The following BCL2L13 variants were observed in gnomAD, a reference collection of about 807,000 sequenced individuals.
BCL2L13 encodes bcl-2-like protein 13.
In BCL2L13, 13 loss-of-function variants were observed where a neutral mutation model predicts 25.8. The observed-to-expected ratio is 0.50, with a 90% CI of 0.33 to 0.80. BCL2L13 has a LOEUF of 0.80. BCL2L13 is among the 30% of genes least tolerant of loss of function. The pLI is 0.02. For missense variants in BCL2L13, 504 were observed against 574.9 expected (o/e 0.88, Z 1.26); for synonymous variants, 244 against 230.3 (o/e 1.06, Z -0.54).
In BCL2L13 at chr22:17,688,996, C is replaced by T; in HGVS notation, c.240C>T (p.Ser80=). ...TTGTCCTATCTTCAGCCTTCACCAGCACAGGCTTTGACCGTCACACTTCTC... is the reference window on the plus strand; with the variant it reads ...TTGTCCTATCTTCAGCCTTCACCAGTACAGGCTTTGACCGTCACACTTCTC... ...LDKEISEAFT[S]TGFDRHTSPV... The change falls in exon 4 of 7, where the codon AGC becomes AGT. Residue 80 remains serine (S), a synonymous_variant. Coordinates refer to ENST00000317582, the MANE Select transcript of BCL2L13 (RefSeq NM_015367.4). 1.2e-6 allele frequency: 2 copies of T among 1,613,290 alleles called. No homozygotes were observed. Among genetic ancestry groups the T allele is most frequent in the Non-Finnish European group, 1.7e-6 (2 of 1,179,706 alleles).
At chr22:17,712,721 T>C (rs767709802) in intron 6 of BCL2L13, among the ~76,000 whole-genome samples, 2 of 152,220 alleles carry the variant, frequency 1.3e-5, no homozygotes, top group African/African-American at 4.8e-5. Context: ...TTAGCTTAAC[T>C]GTTGATATGG....
In BCL2L13 at chr22:17,689,087, G is replaced by A. The variant is rs1340004280; in HGVS notation, c.331G>A (p.Val111Met). Residue 111 changes from valine (V) to methionine (M), a missense_variant, in exon 4 of 7, where the codon GTG becomes ATG. By Grantham distance (21) the Val-to-Met change is conservative. Transcript: ENST00000317582. ...EDCLAHLGEK[V>M]SQELKEPLHK... Reference sequence around the variant, plus strand: ...CTGCTTGGCCCATCTTGGAGAAAAAGTGTCCCAGGAACTGAAAGAGCCTCT... The same window carrying A: ...CTGCTTGGCCCATCTTGGAGAAAAAATGTCCCAGGAACTGAAAGAGCCTCT... 6.2e-7 allele frequency: 1 copy of A among 1,614,064 alleles called. No individual in the cohort carries two copies. The highest frequency in any genetic ancestry group is 8.5e-7 in the Non-Finnish European group (1 of 1,180,034).
intron 1 of BCL2L13, among the ~76,000 whole-genome samples, chr22:17,643,596 TTTGTTG>T (rs888205075): frequency 6.6e-6 from 1 of 152,064 alleles, no homozygotes; most frequent in Non-Finnish European, 1.5e-5. Flanking sequence ...AACTTAATGT[TTTGTTG>T]TTGTTGTTTG....
At chr22:17,634,209 G>C (rs576260629), upstream of BCL2L13, among the ~76,000 whole-genome samples, 3 of 151,464 alleles carry the variant, frequency 2.0e-5, no homozygotes, top group Non-Finnish European at 2.9e-5. Context: ...TTTTTGAGAC[G>C]GAGTCTCACT....
At chr22:17,652,303 G>A (rs2058713434) in intron 1 of BCL2L13, among the ~76,000 whole-genome samples, 1 of 152,068 alleles carries the variant, frequency 6.6e-6, no homozygotes. Context: ...CTCCCAAAGT[G>A]CTAGGATTAC....
At chr22:17,649,372 C>T (rs1358795251) in intron 1 of BCL2L13, among the ~76,000 whole-genome samples, 2 of 152,114 alleles carry the variant, frequency 1.3e-5, no homozygotes, top group East Asian at 3.8e-4. Flanking sequence ...GTTGGGATTA[C>T]AGGCGTGAGC....
At chr22:17,685,754 C>CTTTTTAT in intron 3 of BCL2L13, among the ~76,000 whole-genome samples, 1 of 54,004 alleles carries the variant, frequency 1.9e-5, no homozygotes, top group Admixed American at 2.1e-4. Flanking sequence ...ATAATTTTTT[C>CTTTTTAT]TTTTTCTTTT....
intron 4 of BCL2L13, among the ~76,000 whole-genome samples, chr22:17,690,286 A>G (rs1478237128): frequency 6.6e-6 from 1 of 152,114 alleles, no homozygotes; most frequent in Non-Finnish European, 1.5e-5. Context: ...AGATCATGCC[A>G]TTGCACTCCA....
At chr22:17,717,462 C>CA (rs2060979286) in intron 6 of BCL2L13, among the ~76,000 whole-genome samples, 1 of 151,046 alleles carries the variant, frequency 6.6e-6, no homozygotes, top group Admixed American at 6.6e-5. Flanking sequence ...AATGCTATTT[C>CA]TTTTTTTTGT....
rs549539539 is a variant in BCL2L13, at chr22:17,721,035, C to T, written c.601-5642C>T. 3.0e-3 allele frequency among the ~76,000 whole-genome samples: 461 copies of T among 151,810 alleles called. 5 individuals are homozygous for T. The highest frequency in any genetic ancestry group is 0.01 in the African/African-American group (424 of 41,400). On this transcript the variant is annotated intron_variant, in intron 6 of 6. Coordinates refer to ENST00000317582, the MANE Select transcript of BCL2L13 (RefSeq NM_015367.4). ...ACAAAAAATTAGCCAGGCATGGTGG[C>T]GGGCGCCTGTAGTCCCAGCTACTCG...
rs1389076492 is a variant in BCL2L13 at position 17,729,229 on chromosome 22, G to C, written c.*1695G>C. ...AATATTTAAAAATTGGTCAAAACAA[G>C]GTCTGGGAGTATGTTTGTGTGTCTT... On this transcript the variant is annotated 3_prime_UTR_variant, in exon 7 of 7. Coordinates refer to ENST00000317582, the MANE Select transcript of BCL2L13 (RefSeq NM_015367.4). The C allele has an allele frequency of 6.6e-6, 1 of 152,130 alleles. No homozygotes were observed. Among genetic ancestry groups the C allele is most frequent in the Non-Finnish European group, 1.5e-5 (1 of 68,034 alleles). The allele number at this position is 152,130 out of a possible 1,614,324, so 9.4% of individuals were successfully genotyped here. A position where few individuals can be genotyped will look rare whatever the true frequency, so the allele number is the denominator to read the frequency against.
chr22:17,638,375 G>T, upstream of BCL2L13: 1 of 262,352 alleles, frequency 3.8e-6, no homozygotes, highest in Non-Finnish European at 7.1e-6. Flanking sequence ...CATCGAGGCT[G>T]TCGTGACTGT....
chr22:17,645,196 A>G (rs566633190), intron 1 of BCL2L13, among the ~76,000 whole-genome samples: 1 of 144,968 alleles, frequency 6.9e-6, no homozygotes, highest in East Asian at 2.0e-4. Context: ...GTTGCTGCAT[A>G]TTTGCTTTAC....
rs147412303 is a variant in BCL2L13 at position 17,714,157 on chromosome 22, G to A, written c.600+11771G>A. Among the ~76,000 whole-genome samples, 554 of 152,212 alleles carry A rather than the reference G, an allele frequency of 3.6e-3. 15 individuals are homozygous for A. In the East Asian group the frequency reaches 0.047, roughly 13 times the overall value. ...AAATACAAAAAGTTAGCCGGGCGTG[G>A]TGGCGGGCACCTGTAGTCCCAGCTA... On this transcript the variant is annotated intron_variant, in intron 6 of 6. Transcript: ENST00000317582.
At chr22:17,659,056 TAAA>T (rs752881083) in intron 2 of BCL2L13, among the ~76,000 whole-genome samples, 326 of 28,056 alleles carry the variant, frequency 0.012, 3 homozygotes, top group Non-Finnish European at 0.015. Context: ...AGACTCCATC[TAAA>T]AAAAAAAAAA....
chr22:17,648,096 C>T (rs1213002688), intron 1 of BCL2L13, among the ~76,000 whole-genome samples: 5 of 151,444 alleles, frequency 3.3e-5, no homozygotes, highest in Admixed American at 6.6e-5. Flanking sequence ...TGCCACTGCA[C>T]TCCTGGCGAC....
At chr22:17,647,209 T>C (rs1356443739) in intron 1 of BCL2L13, among the ~76,000 whole-genome samples, 3 of 151,236 alleles carry the variant, frequency 2.0e-5, no homozygotes, top group African/African-American at 4.9e-5. Flanking sequence ...CTCCTGACCT[T>C]GTGATCCGCT....
intron 1 of BCL2L13, among the ~76,000 whole-genome samples, chr22:17,651,762 C>T (rs577142914): frequency 6.6e-6 from 1 of 152,020 alleles, no homozygotes; most frequent in Non-Finnish European, 1.5e-5. Flanking sequence ...GCGATCTCGG[C>T]TCACTGCAAG....
chr22:17,705,101 G>T (rs530155749), intron 6 of BCL2L13, among the ~76,000 whole-genome samples: 3 of 115,404 alleles, frequency 2.6e-5, no homozygotes, highest in African/African-American at 8.9e-5. Context: ...AGCATTAAAG[G>T]TTTTGATTGA....
Sources: gnomAD v4.1 joint callset for allele counts (sites outside exome capture counted in the v4.1 genomes callset) on GRCh38, gnomAD v4.1.1 for gene constraint, MANE v1.5 for transcripts, NCBI Gene and HGNC (gene_info 2026-07-23, HGNC 2026-07-21) for gene names.